Variants in RIPOR2 observed in about 807,000 individuals in gnomAD.
RIPOR2 encodes the protein RHO family interacting cell polarization regulator 2.
In RIPOR2, 39 loss-of-function variants were observed where a neutral mutation model predicts 114.5. The ratio of observed to expected loss-of-function variants is 0.34; its 90% CI spans 0.26 to 0.44. The LOEUF is 0.44. RIPOR2 is among the 20% of genes least tolerant of loss of function. The probability of loss-of-function intolerance (pLI) is 1.00; values close to 1 mark genes in which losing one functional copy is unlikely to be tolerated. For synonymous variants in RIPOR2, 445 were observed against 484.4 expected (o/e 0.92, Z 1.07); for missense variants, 1,007 against 1,255.1 (o/e 0.80, Z 2.99).
intron 9 of RIPOR2, among the ~76,000 whole-genome samples, chr6:24,851,102 C>A (rs1762856555): frequency 1.3e-5 from 2 of 152,050 alleles, no homozygotes; most frequent in Non-Finnish European, 2.9e-5. Flanking sequence ...ACCATGTTGG[C>A]TAGGCTGGTC....
intron 1 of RIPOR2, among the ~76,000 whole-genome samples, chr6:24,987,839 A>G (rs1774600543): frequency 6.6e-6 from 1 of 152,242 alleles, no homozygotes; most frequent in Non-Finnish European, 1.5e-5. Context: ...AGAAGATTCT[A>G]AACTCCAAAC....
intron 1 of RIPOR2, among the ~76,000 whole-genome samples, chr6:24,924,367 G>A (rs369177416): frequency 2.0e-5 from 3 of 152,234 alleles, no homozygotes; most frequent in African/African-American, 4.8e-5. Flanking sequence ...GTGTGAACTC[G>A]AAGCATCATA....
At chr6:24,866,518 A>ATT (rs59177662) in intron 6 of RIPOR2, among the ~76,000 whole-genome samples, 1 of 136,760 alleles carries the variant, frequency 7.3e-6, no homozygotes, top group Non-Finnish European at 1.6e-5. Context: ...AGGGTTGAAA[A>ATT]TTTTTTTTTT....
chr6:24,928,716 C>T (rs1289845544), intron 1 of RIPOR2, among the ~76,000 whole-genome samples: 1 of 152,222 alleles, frequency 6.6e-6, no homozygotes, highest in Non-Finnish European at 1.5e-5. Flanking sequence ...CGGAAGGCAG[C>T]AACGTCTTTC....
intron 15 of RIPOR2, among the ~76,000 whole-genome samples, chr6:24,834,911 AC>A (rs1191416478): frequency 6.6e-6 from 1 of 152,186 alleles, no homozygotes; most frequent in Non-Finnish European, 1.5e-5. Flanking sequence ...GGCCTGAGTC[AC>A]TGCGCCTGGT....
At chr6:25,011,228 A>G (rs1775764803) in intron 1 of RIPOR2, among the ~76,000 whole-genome samples, 1 of 152,206 alleles carries the variant, frequency 6.6e-6, no homozygotes, top group South Asian at 2.1e-4. Context: ...TAAATTAGGA[A>G]TTGGGTTTAT....
At chr6:24,859,298 G>A (rs889835101) in intron 8 of RIPOR2, among the ~76,000 whole-genome samples, 8 of 152,156 alleles carry the variant, frequency 5.3e-5, no homozygotes, top group Non-Finnish European at 1.5e-5. Flanking sequence ...ATTACTGTTA[G>A]GCTGCGAGAC....
In RIPOR2 at chr6:25,022,531, C is replaced by CTTTTTTTTTTTTTT. The variant is rs1561848668; in HGVS notation, c.76+19319_76+19320insAAAAAAAAAAAAAA. Among the ~76,000 whole-genome samples the CTTTTTTTTTTTTTT allele has an allele frequency of 1.1e-3, 70 of 64,490 alleles. 9 individuals are homozygous for CTTTTTTTTTTTTTT. Among genetic ancestry groups the CTTTTTTTTTTTTTT allele is most frequent in the Non-Finnish European group, 2.1e-3 (60 of 29,008 alleles). The allele number at this position is 64,490 out of a possible 152,430, so 42.3% of individuals were successfully genotyped here. A position where few individuals can be genotyped will look rare whatever the true frequency, so the allele number is the denominator to read the frequency against. ...CACATATAACTAATGTGGTACCTTC[C>CTTTTTTTTTTTTTT]ATTTTTTTTTTTTTTTTTTTTTTTT... On this transcript the variant is annotated intron_variant, in intron 1 of 13. Transcript: ENST00000510784.
intron 1 of RIPOR2, among the ~76,000 whole-genome samples, chr6:24,996,810 A>T (rs950739836): frequency 6.6e-6 from 1 of 152,212 alleles, no homozygotes; most frequent in Admixed American, 6.5e-5. Flanking sequence ...TGTATTGTTC[A>T]TAGTTAACTT....
intron 6 of RIPOR2, among the ~76,000 whole-genome samples, chr6:24,868,496 G>A (rs1764840953): frequency 6.6e-6 from 1 of 152,206 alleles, no homozygotes; most frequent in African/African-American, 2.4e-5. Context: ...CCCAGAACAA[G>A]GGGGTGATAG....
At chr6:24,921,232 G>A (rs421281) in intron 1 of RIPOR2, among the ~76,000 whole-genome samples, 6,071 of 151,810 alleles carry the variant, frequency 0.04, 332 homozygotes, top group African/African-American at 0.13. Context: ...GCATGATCTC[G>A]GCTCACTGCA....
In RIPOR2 at chr6:24,835,825, G is replaced by A. The variant is rs1434786499; in HGVS notation, c.2086C>T (p.Leu696Phe). Residue 696 changes from leucine (L) to phenylalanine (F), a missense_variant, in exon 15 of 22, where the codon CTC becomes TTC. Physicochemically the swap from Leu to Phe is conservative, Grantham distance 22. Transcript: ENST00000643898. The part of the protein sequence containing the change: ...PEARGHLSEA[L>F]TEDTGVGTSV... ...GTCCCAACTCCTGTGTCTTCAGTGA[G>A]CGCTTCACTGAGATGCCCCCTGGCT... 6.4e-7 allele frequency: 1 copy of A among 1,551,568 alleles called. No individual in the cohort carries two copies. The highest frequency in any genetic ancestry group is 1.4e-5 in the African/African-American group (1 of 73,130).
Position 25,003,625 on chromosome 6 carries a change from C to A in RIPOR2, c.76+38226G>T, listed in dbSNP as rs551192503. Among the ~76,000 whole-genome samples, 146 of 152,010 alleles carry A rather than the reference C, an allele frequency of 9.6e-4. 5 individuals carry two copies. In the South Asian group the frequency reaches 0.028, roughly 30 times the overall value. On this transcript the variant is annotated intron_variant, in intron 1 of 13. Coordinates refer to the RIPOR2 transcript ENST00000510784. ...TTCTATTTTTTGGTGGAGACGGGGT[C>A]TTACTATGTTGCCCAGTCTGGTCTC...
chr6:24,838,950 G>A (rs1057189757), intron 14 of RIPOR2, 141 bp downstream of exon 14: 2 of 616,766 alleles, frequency 3.2e-6, no homozygotes, highest in Admixed American at 6.2e-5. Flanking sequence ...ACAATAAAAA[G>A]GAACTGTAAG....
chr6:24,967,780 T>C (rs541751045), intron 1 of RIPOR2, among the ~76,000 whole-genome samples: 19 of 152,248 alleles, frequency 1.2e-4, no homozygotes, highest in African/African-American at 4.3e-4. Flanking sequence ...CCTTTGTGGA[T>C]GAGGAAACTG....
At position 24,868,430 on chromosome 6, in the gene RIPOR2, T is replaced by A. The variant is rs1172038642; in HGVS notation, c.501+664A>T. Reference sequence around the variant, plus strand: ...AAACAGGAATTGATAATGGTGTGATTTAGCTGCCTCTAAAGGTAAATATTT... The same window carrying A: ...AAACAGGAATTGATAATGGTGTGATATAGCTGCCTCTAAAGGTAAATATTT... On this transcript the variant is annotated intron_variant, in intron 6 of 21. Coordinates refer to ENST00000643898, the MANE Select transcript of RIPOR2 (RefSeq NM_001286445.3). Among the ~76,000 whole-genome samples the A allele has an allele frequency of 3.9e-5, 6 of 152,284 alleles. No individual in the cohort carries two copies. In the East Asian group the frequency reaches 1.2e-3, roughly 29 times the overall value.
intron 1 of RIPOR2, among the ~76,000 whole-genome samples, chr6:24,960,285 C>A (rs542294315): frequency 1.3e-5 from 2 of 152,184 alleles, no homozygotes; most frequent in South Asian, 4.1e-4. Context: ...AAGGCACCAG[C>A]AGTTTAGGTG....
rs1760350723 is a variant in RIPOR2 at position 24,828,207 on chromosome 6, C to T, written c.2595G>A (p.Gln865=). ...CGTGGCTGGTGAAGTAACTGTAATA[C>T]TGGAAAACAGTGACGACTTCCGAGG... ...SLSSEVVTVF[Q]YYSYFTSHGV... Residue 865 remains glutamine, a synonymous_variant, in exon 18 of 22, where the codon CAG becomes CAA. Coordinates refer to ENST00000643898, the MANE Select transcript of RIPOR2 (RefSeq NM_001286445.3). 6.4e-7 allele frequency: 1 copy of T among 1,551,262 alleles called. No homozygotes were observed. The highest frequency in any genetic ancestry group is 1.4e-5 in the African/African-American group (1 of 73,028).
At chr6:24,877,186 C>A (rs1765871998) in intron 1 of RIPOR2, 1 of 985,424 alleles carries the variant, frequency 1.0e-6, no homozygotes, top group East Asian at 1.1e-4. Context: ...TTTCACTAGA[C>A]CTTCCTCAAA....
Sources: allele counts gnomAD v4.1 joint callset (sites outside exome capture counted in the v4.1 genomes callset), GRCh38; gene constraint gnomAD v4.1.1; transcripts MANE v1.5; gene names NCBI Gene and HGNC (gene_info 2026-07-23, HGNC 2026-07-21).